Variants in RPS6KA2 observed in about 807,000 individuals in gnomAD.
RPS6KA2 encodes ribosomal protein S6 kinase A2, also known as ribosomal protein S6 kinase alpha-2.
Under a neutral mutation model 91.8 loss-of-function variants are expected in RPS6KA2, and 42 were observed. That is an observed-to-expected ratio of 0.46 (90% CI 0.36 to 0.59). The LOEUF is 0.59. Among genes scored for constraint, RPS6KA2 ranks in the 20% least tolerant of loss-of-function variants. The pLI is 0.00. For missense variants in RPS6KA2, 798 were observed against 978.5 expected (o/e 0.82, Z 2.46); for synonymous variants, 414 against 393.6 (o/e 1.05, Z -0.61).
chr6:166,573,396 A>G (rs1206193832), intron 1 of RPS6KA2, among the ~76,000 whole-genome samples: 1 of 152,056 alleles, frequency 6.6e-6, no homozygotes, highest in Non-Finnish European at 1.5e-5. Context: ...CTGCAGGGGG[A>G]TTTTTATCTT....
At position 166,833,735 on chromosome 6, in the gene RPS6KA2, C is replaced by T. The variant is rs78070588; in HGVS notation, c.123+24465G>A. ...TGCAGAGAAGTGTCCCAAGTTTAGACGCAGAACACAATCTGTTTATCTATT... is the reference window on the plus strand; with the variant it reads ...TGCAGAGAAGTGTCCCAAGTTTAGATGCAGAACACAATCTGTTTATCTATT... On this transcript the variant is annotated intron_variant, in intron 2 of 21. Transcript: ENST00000503859. Among the ~76,000 whole-genome samples the T allele has an allele frequency of 8.4e-3, 1,274 of 152,318 alleles. 22 individuals are homozygous for T. The highest frequency in any genetic ancestry group is 0.029 in the African/African-American group (1,213 of 41,558).
At chr6:166,678,139 T>A (rs190652307) in intron 2 of RPS6KA2, among the ~76,000 whole-genome samples, 141 of 152,324 alleles carry the variant, frequency 9.3e-4, no homozygotes, top group African/African-American at 3.2e-3. Context: ...CAAGAACATA[T>A]GCCAGCCGTC....
intron 2 of RPS6KA2, among the ~76,000 whole-genome samples, chr6:166,716,565 G>T (rs1583045406): frequency 1.3e-5 from 2 of 152,206 alleles, no homozygotes; most frequent in South Asian, 4.1e-4. Flanking sequence ...TCAGATGTGC[G>T]GTCTGCTGGC....
At chr6:166,436,140 T>C (rs1562491962) in intron 14 of RPS6KA2, among the ~76,000 whole-genome samples, 1 of 152,078 alleles carries the variant, frequency 6.6e-6, no homozygotes, top group Non-Finnish European at 1.5e-5. Context: ...AGAGATAAAA[T>C]AGAATTACCC....
At chr6:166,466,507 T>C (rs1212180784) in intron 11 of RPS6KA2, among the ~76,000 whole-genome samples, 2 of 152,230 alleles carry the variant, frequency 1.3e-5, no homozygotes, top group Non-Finnish European at 2.9e-5. Flanking sequence ...GAGACTTCTC[T>C]TTCCTACCAG....
intron 2 of RPS6KA2, among the ~76,000 whole-genome samples, chr6:166,705,845 T>C (rs976581304): frequency 6.6e-6 from 1 of 152,146 alleles, no homozygotes; most frequent in Admixed American, 6.5e-5. Flanking sequence ...CCCCTAACTC[T>C]TATGTTGAAA....
At chr6:166,731,791 C>T (rs751548905) in intron 2 of RPS6KA2, among the ~76,000 whole-genome samples, 2 of 152,106 alleles carry the variant, frequency 1.3e-5, no homozygotes, top group African/African-American at 4.8e-5. Context: ...ACTGAAGCTC[C>T]ACCACCTAGA....
intron 10 of RPS6KA2, among the ~76,000 whole-genome samples, chr6:166,478,231 C>A (rs2128468507): frequency 6.6e-6 from 1 of 152,352 alleles, no homozygotes. Context: ...GTCCCTTGCA[C>A]ATATGCTCAC....
intron 2 of RPS6KA2, among the ~76,000 whole-genome samples, chr6:166,693,237 GCCTCC>G (rs1789260599): frequency 6.6e-6 from 1 of 152,196 alleles, no homozygotes; most frequent in African/African-American, 2.4e-5. Flanking sequence ...ATTGGATTTT[GCCTCC>G]TATCACTGCC....
intron 2 of RPS6KA2, among the ~76,000 whole-genome samples, chr6:166,824,115 A>T (rs1779974875): frequency 6.6e-6 from 1 of 152,126 alleles, no homozygotes; most frequent in Non-Finnish European, 1.5e-5. Flanking sequence ...GTGAATATAC[A>T]TGCTTGTGTG....
At chr6:166,694,028 G>C (rs1789289569) in intron 2 of RPS6KA2, among the ~76,000 whole-genome samples, 1 of 152,216 alleles carries the variant, frequency 6.6e-6, no homozygotes, top group African/African-American at 2.4e-5. Context: ...TGTGCATTGT[G>C]TGACATTGCA....
intron 10 of RPS6KA2, among the ~76,000 whole-genome samples, chr6:166,478,468 C>T (rs1781064880): frequency 6.6e-6 from 1 of 152,192 alleles, no homozygotes; most frequent in Admixed American, 6.5e-5. Flanking sequence ...CCCGGGTGAG[C>T]TTCGGGACTC....
rs201229703 is a variant in RPS6KA2 at position 166,649,574 on chromosome 6, A to T, written c.124-110790T>A. ...CACCCTATCTGACATTTCTGAGGCC[A>T]ATGGTCTTTTAGGGGTAATGAAGAA... On this transcript the variant is annotated intron_variant, in intron 2 of 21. Transcript: ENST00000503859. 3.3e-5 allele frequency among the ~76,000 whole-genome samples: 5 copies of T among 152,220 alleles called. No individual in the cohort carries two copies. In the East Asian group the frequency reaches 9.6e-4, roughly 29 times the overall value.
chr6:166,752,393 G>A (rs1329921576), intron 2 of RPS6KA2, among the ~76,000 whole-genome samples: 1 of 152,182 alleles, frequency 6.6e-6, no homozygotes, highest in Non-Finnish European at 1.5e-5. Flanking sequence ...GAAGTCTAGA[G>A]AGGCAATTTA....
At chr6:166,731,014 G>A (rs957111400) in intron 2 of RPS6KA2, among the ~76,000 whole-genome samples, 1 of 152,160 alleles carries the variant, frequency 6.6e-6, no homozygotes, top group Non-Finnish European at 1.5e-5. Context: ...AGGCCGAGGC[G>A]GGCGGATCAC....
Position 166,770,828 on chromosome 6 carries a change from A to G in RPS6KA2, c.123+87372T>C. The G allele has an allele frequency of 3.2e-6, 5 of 1,559,052 alleles. No individual in the cohort carries two copies. The highest frequency in any genetic ancestry group is 4.3e-6 in the Non-Finnish European group (5 of 1,165,192). On this transcript the variant is annotated intron_variant, in intron 2 of 21. Coordinates refer to the RPS6KA2 transcript ENST00000503859. This position sits in a 1 kb window ranked among gnomAD's most constrained non-coding sequence, Gnocchi z 5.1. ...AAAAAAAAATGTAACTCACATAAGC[A>G]TGGAAAAAAACAAACCCACAGGAAC...
intron 13 of RPS6KA2, 141 bp downstream of exon 13, chr6:166,450,962 G>T: frequency 1.0e-6 from 1 of 972,836 alleles, no homozygotes; most frequent in Non-Finnish European, 1.6e-6. Context: ...ACAATGGGAA[G>T]TGTGAGGGAA....
chr6:166,637,015 T>A (rs1787265360), intron 2 of RPS6KA2, among the ~76,000 whole-genome samples: 1 of 152,140 alleles, frequency 6.6e-6, no homozygotes, highest in Admixed American at 6.5e-5. Flanking sequence ...GGGAGGAAAT[T>A]CGGCAGCATC....
intron 10 of RPS6KA2, among the ~76,000 whole-genome samples, chr6:166,485,652 C>T (rs1275629109): frequency 6.6e-6 from 1 of 152,228 alleles, no homozygotes; most frequent in Non-Finnish European, 1.5e-5. Context: ...CAACTTGCAT[C>T]TGTCTCCAAA....
Sources: gnomAD v4.1 joint callset for allele counts (sites outside exome capture counted in the v4.1 genomes callset) on GRCh38, gnomAD v4.1.1 for gene constraint, Gnocchi (gnomAD v3.1) non-coding constraint, MANE v1.5 for transcripts, NCBI Gene and HGNC (gene_info 2026-07-23, HGNC 2026-07-21) for gene names.